SGMS1: variants seen among roughly 807,000 people sequenced by gnomAD.
The protein encoded by SGMS1 is phosphatidylcholine:ceramide cholinephosphotransferase 1.
Under a neutral mutation model 46.2 loss-of-function variants are expected in SGMS1, and 13 were observed. The observed-to-expected ratio is 0.28, with a 90% CI of 0.18 to 0.45. SGMS1 has a LOEUF of 0.45. SGMS1 is among the 20% of genes least tolerant of loss of function. SGMS1 has a pLI of 1.00. For missense variants in SGMS1, 324 were observed against 519.9 expected, an observed-to-expected ratio of 0.62 and a Z score of 3.66; for synonymous variants, 203 against 187.8, an observed-to-expected ratio of 1.08 and a Z score of -0.66.
At chr10:50,440,781 T>C (rs1460970381) in intron 5 of SGMS1, among the ~76,000 whole-genome samples, 1 of 152,152 alleles carries the variant, frequency 6.6e-6, no homozygotes, top group Non-Finnish European at 1.5e-5. Flanking sequence ...AGCTAATTTT[T>C]GCTTGTTTGT....
intron 6 of SGMS1, among the ~76,000 whole-genome samples, chr10:50,350,566 C>A (rs1045984073): frequency 6.6e-5 from 10 of 152,122 alleles, no homozygotes; most frequent in African/African-American, 2.4e-4. Context: ...GGGCCGGGTC[C>A]AGGGTCCCCG....
At chr10:50,333,403 C>T (rs1847658814) in intron 7 of SGMS1, among the ~76,000 whole-genome samples, 1 of 152,210 alleles carries the variant, frequency 6.6e-6, no homozygotes, top group Non-Finnish European at 1.5e-5. Context: ...TGCCCTGATG[C>T]TCACTATCCC....
At chr10:50,311,212 C>A in intron 9 of SGMS1, 50 bp downstream of exon 9, 1 of 1,588,042 alleles carries the variant, frequency 6.3e-7, no homozygotes, top group Non-Finnish European at 8.6e-7. Flanking sequence ...GACCAGAGTT[C>A]ATGAGAAATG....
intron 2 of SGMS1, among the ~76,000 whole-genome samples, chr10:50,576,444 G>A (rs985352052): frequency 5.9e-5 from 9 of 152,196 alleles, no homozygotes; most frequent in Admixed American, 4.6e-4. Context: ...CACTGGAGGA[G>A]CACGCCCCTT....
At chr10:50,508,525 A>G (rs992531201) in intron 3 of SGMS1, among the ~76,000 whole-genome samples, 2 of 152,216 alleles carry the variant, frequency 1.3e-5, no homozygotes, top group Non-Finnish European at 2.9e-5. Context: ...AAAGCCAGCA[A>G]TAGATTACTA....
chr10:50,581,607 G>T (rs1250800293), intron 2 of SGMS1, among the ~76,000 whole-genome samples: 1 of 152,138 alleles, frequency 6.6e-6, no homozygotes, highest in African/African-American at 2.4e-5. Context: ...GACTCCTAAG[G>T]AGCTAAGAAC....
At chr10:50,347,837 A>G (rs1847939284) in intron 6 of SGMS1, among the ~76,000 whole-genome samples, 1 of 152,148 alleles carries the variant, frequency 6.6e-6, no homozygotes, top group South Asian at 2.1e-4. Flanking sequence ...TCCTCTCAAG[A>G]GATAATCAAC....
intron 3 of SGMS1, among the ~76,000 whole-genome samples, chr10:50,471,309 T>C (rs193301597): frequency 6.6e-6 from 1 of 152,270 alleles, no homozygotes; most frequent in African/African-American, 2.4e-5. Flanking sequence ...TGGGATTATA[T>C]AGAGATGAAA....
chr10:50,533,572 T>C (rs1203904474), intron 2 of SGMS1, among the ~76,000 whole-genome samples: 3 of 152,158 alleles, frequency 2.0e-5, no homozygotes, highest in African/African-American at 7.2e-5. Context: ...TTCTCTAACA[T>C]TATTTGAATC....
At chr10:50,402,443 C>T (rs561008556) in intron 6 of SGMS1, among the ~76,000 whole-genome samples, 11 of 152,212 alleles carry the variant, frequency 7.2e-5, no homozygotes, top group African/African-American at 2.2e-4. Flanking sequence ...AAAGGGGCCA[C>T]GATCCTACTG....
In SGMS1 at chr10:50,470,176, T is replaced by C. The variant is rs368096549; in HGVS notation, c.-497-3244A>G. ...GTCAATTCTCAGGGGAAAGATGGTG[T>C]GTAATAAGAAATAAATAATATAGAG... On this transcript the variant is annotated intron_variant, in intron 3 of 10. Coordinates refer to ENST00000361781, the MANE Select transcript of SGMS1 (RefSeq NM_147156.4). Among the ~76,000 whole-genome samples the C allele has an allele frequency of 6.6e-5, 10 of 152,256 alleles. No individual in the cohort carries two copies. The East Asian group carries it at 1.5e-3, about 23-fold the overall frequency.
intron 2 of SGMS1, among the ~76,000 whole-genome samples, chr10:50,550,418 A>G (rs1489034233): frequency 2.0e-5 from 3 of 148,906 alleles, no homozygotes; most frequent in African/African-American, 7.8e-5. Context: ...CGGACTAGCT[A>G]TCCTGAAGCA....
intron 7 of SGMS1, among the ~76,000 whole-genome samples, chr10:50,336,639 C>T (rs1847721502): frequency 6.6e-6 from 1 of 152,064 alleles, no homozygotes; most frequent in Admixed American, 6.5e-5. Flanking sequence ...GTGGCATCTA[C>T]AACACTAAAT....
At chr10:50,621,612 A>G (rs1838850580) in intron 1 of SGMS1, among the ~76,000 whole-genome samples, 1 of 152,238 alleles carries the variant, frequency 6.6e-6, no homozygotes, top group African/African-American at 2.4e-5. Context: ...AATGAGTAAG[A>G]TACTGGTTTA....
chr10:50,546,858 A>G (rs1260395790), intron 2 of SGMS1, among the ~76,000 whole-genome samples: 1 of 151,860 alleles, frequency 6.6e-6, no homozygotes, highest in Non-Finnish European at 1.5e-5. Flanking sequence ...GTACCCTAAA[A>G]CTTAAAATAT....
intron 3 of SGMS1, among the ~76,000 whole-genome samples, chr10:50,487,684 G>C (rs536963127): frequency 7.2e-5 from 11 of 151,984 alleles, no homozygotes; most frequent in Non-Finnish European, 1.6e-4. Flanking sequence ...ACACATGAAT[G>C]TACTTCTAGG....
intron 3 of SGMS1, among the ~76,000 whole-genome samples, chr10:50,495,902 G>A (rs1837611311): frequency 6.6e-6 from 1 of 152,192 alleles, no homozygotes; most frequent in Admixed American, 6.5e-5. Context: ...GAACTGAGAT[G>A]AAAGGGAGGA....
intron 2 of SGMS1, among the ~76,000 whole-genome samples, chr10:50,521,233 C>T (rs556915861): frequency 2.0e-5 from 3 of 152,254 alleles, no homozygotes; most frequent in African/African-American, 7.2e-5. Flanking sequence ...AATAATAGTA[C>T]AAAAGTATCC....
At chr10:50,396,401 T>A (rs746127328) in intron 6 of SGMS1, among the ~76,000 whole-genome samples, 5 of 152,170 alleles carry the variant, frequency 3.3e-5, no homozygotes, top group Non-Finnish European at 7.4e-5. Flanking sequence ...TCAGAAGGTC[T>A]ATGTTCCACA....
Sources: gnomAD v4.1 joint callset for allele counts (sites outside exome capture counted in the v4.1 genomes callset) on GRCh38, gnomAD v4.1.1 for gene constraint, MANE v1.5 for transcripts, NCBI Gene and HGNC (gene_info 2026-07-23, HGNC 2026-07-21) for gene names.